The following R3HDM1 variants were observed in gnomAD, a reference collection of about 807,000 sequenced individuals.
R3HDM1 encodes the protein R3H domain-containing protein 1.
Under a neutral mutation model 141.1 loss-of-function variants are expected in R3HDM1, and 46 were observed. That is an observed-to-expected ratio of 0.33 (90% CI 0.26 to 0.42). The LOEUF (loss-of-function observed/expected upper bound fraction) is 0.42, where lower values mean the gene tolerates loss of function less well. R3HDM1 is among the 10% of genes least tolerant of loss of function. The pLI, the probability that R3HDM1 is intolerant of heterozygous loss-of-function variation, is 1.00. For missense variants in R3HDM1, 1,184 were observed against 1,368.3 expected, an observed-to-expected ratio of 0.87 and a Z score of 2.12; for synonymous variants, 435 against 472.9, an observed-to-expected ratio of 0.92 and a Z score of 1.04.
chr2:135,604,828 C>T lies in R3HDM1; in HGVS notation c.-18C>T, dbSNP rs377656435. The T allele has an allele frequency of 1.2e-5, 19 of 1,608,736 alleles. No individual in the cohort carries two copies. The highest frequency in any genetic ancestry group is 1.1e-4 in the East Asian group (5 of 44,690). ...AAGGCTTCAAGCTCCCTGTAGAATTCGAAAATAACCTTTTCTAATGAGGAT... is the reference window on the plus strand; with the variant it reads ...AAGGCTTCAAGCTCCCTGTAGAATTTGAAAATAACCTTTTCTAATGAGGAT... On this transcript the variant is annotated 5_prime_UTR_variant, in exon 3 of 27. Coordinates refer to ENST00000683871, the MANE Select transcript of R3HDM1 (RefSeq NM_001378107.1).
chr2:135,573,908 AAC>A (rs1704741701), intron 1 of R3HDM1, among the ~76,000 whole-genome samples: 1 of 152,186 alleles, frequency 6.6e-6, no homozygotes, highest in Non-Finnish European at 1.5e-5. Flanking sequence ...TATAGCAGTA[AAC>A]ACATTTATCT....
chr2:135,714,712 T>C (rs2075985512), intron 23 of R3HDM1, among the ~76,000 whole-genome samples: 1 of 152,070 alleles, frequency 6.6e-6, no homozygotes, highest in Non-Finnish European at 1.5e-5. Flanking sequence ...TGAAATTCAC[T>C]TTCAAACAGT....
chr2:135,715,820 A>G, intron 24 of R3HDM1, 126 bp downstream of exon 24: 3 of 1,168,536 alleles, frequency 2.6e-6, no homozygotes, highest in South Asian at 1.6e-5. Flanking sequence ...ACCTACACTC[A>G]GGCATGTCTA....
At chr2:135,620,189 G>A (rs2061408367) in intron 5 of R3HDM1, 2 of 532,258 alleles carry the variant, frequency 3.8e-6, no homozygotes, top group African/African-American at 2.1e-5. Flanking sequence ...AGAGGAGGTA[G>A]TGTGAAATCT....
chr2:135,692,929 A>G (rs2072669729), intron 21 of R3HDM1, among the ~76,000 whole-genome samples: 1 of 152,170 alleles, frequency 6.6e-6, no homozygotes, highest in South Asian at 2.1e-4. Context: ...TAGCAGCAAT[A>G]CATGTTGGGA....
At chr2:135,708,958 CAAAAA>C (rs374959932) in intron 21 of R3HDM1, among the ~76,000 whole-genome samples, 1 of 102,970 alleles carries the variant, frequency 9.7e-6, no homozygotes, top group Non-Finnish European at 1.8e-5. Flanking sequence ...AACTCTGTCT[CAAAAA>C]AAAAAAAAAA....
chr2:135,671,168 G>A (rs2068275837), intron 19 of R3HDM1, among the ~76,000 whole-genome samples: 1 of 150,302 alleles, frequency 6.7e-6, no homozygotes, highest in Non-Finnish European at 1.5e-5. Context: ...CTTTCTTTGA[G>A]TTCTTCCTAA....
chr2:135,624,373 G>A lies in R3HDM1; in HGVS notation c.497+1641G>A, dbSNP rs560054165. Among the ~76,000 whole-genome samples the A allele has an allele frequency of 2.4e-3, 349 of 144,072 alleles. 3 individuals carry two copies. The highest frequency in any genetic ancestry group is 8.3e-3 in the African/African-American group (322 of 38,726). 94.5% of individuals were successfully genotyped at this position (144,072 alleles called of 152,430 possible). On this transcript the variant is annotated intron_variant, in intron 7 of 26. Coordinates refer to ENST00000683871, the MANE Select transcript of R3HDM1 (RefSeq NM_001378107.1). ...TGCGCCACTGCACTCCAGCCTGGGC[G>A]ACAGGGCGAGACTCCGTCTCAAAAA...
At chr2:135,695,099 C>T (rs966399355) in intron 21 of R3HDM1, among the ~76,000 whole-genome samples, 1 of 152,138 alleles carries the variant, frequency 6.6e-6, no homozygotes, top group African/African-American at 2.4e-5. Context: ...TGTCGTCCTG[C>T]CTGAAAAATC....
chr2:135,660,408 G>A (rs966402480), intron 18 of R3HDM1, among the ~76,000 whole-genome samples: 29 of 152,276 alleles, frequency 1.9e-4, no homozygotes, highest in African/African-American at 5.8e-4. Context: ...CATGCATGAT[G>A]TAAAGTTTTG....
At chr2:135,570,467 A>T (rs72844180) in intron 1 of R3HDM1, among the ~76,000 whole-genome samples, 4 of 152,240 alleles carry the variant, frequency 2.6e-5, no homozygotes, top group African/African-American at 9.6e-5. Context: ...CAGCCTCTCA[A>T]GAATCTATTT....
chr2:135,591,039 G>A (rs1464000058), intron 1 of R3HDM1, among the ~76,000 whole-genome samples: 3 of 152,164 alleles, frequency 2.0e-5, no homozygotes. Flanking sequence ...TCTACCAATT[G>A]TAACCTAAAT....
intron 7 of R3HDM1, among the ~76,000 whole-genome samples, chr2:135,627,588 T>C (rs1390231237): frequency 6.6e-6 from 1 of 152,112 alleles, no homozygotes; most frequent in East Asian, 1.9e-4. Flanking sequence ...AGCCATATTG[T>C]ATAAATTTTA....
At chr2:135,599,108 AC>A (rs940990674) in intron 1 of R3HDM1, among the ~76,000 whole-genome samples, 28 of 152,238 alleles carry the variant, frequency 1.8e-4, no homozygotes, top group Admixed American at 1.2e-3. Context: ...TAAGGTTATG[AC>A]CTTTAATTTT....
At chr2:135,532,521 G>A (rs938208992) in intron 1 of R3HDM1, among the ~76,000 whole-genome samples, 1 of 151,888 alleles carries the variant, frequency 6.6e-6, no homozygotes, top group Admixed American at 6.6e-5. Context: ...TCCAAATTAG[G>A]ATTAGTGAAC....
intron 1 of R3HDM1, among the ~76,000 whole-genome samples, chr2:135,562,457 T>C (rs559813396): frequency 1.3e-5 from 2 of 152,320 alleles, no homozygotes; most frequent in South Asian, 2.1e-4. Context: ...TGGTCGCTTA[T>C]TATTTTTTTC....
intron 1 of R3HDM1, among the ~76,000 whole-genome samples, chr2:135,575,275 C>G (rs1020276081): frequency 6.6e-6 from 1 of 152,212 alleles, no homozygotes; most frequent in Non-Finnish European, 1.5e-5. Context: ...CTTGACCTCC[C>G]AGGTTCAAGC....
intron 9 of R3HDM1, 47 bp from the exon 10 acceptor site, chr2:135,635,843 G>T: frequency 6.5e-7 from 1 of 1,533,698 alleles, no homozygotes; most frequent in Non-Finnish European, 8.7e-7. Context: ...TGCTAATATT[G>T]TTCATTATCT....
intron 21 of R3HDM1, among the ~76,000 whole-genome samples, chr2:135,690,478 T>A (rs924296226): frequency 6.6e-6 from 1 of 152,224 alleles, no homozygotes; most frequent in Non-Finnish European, 1.5e-5. Context: ...TCTGTGAGGA[T>A]AGATCTTGTG....
Sources: allele counts gnomAD v4.1 joint callset (sites outside exome capture counted in the v4.1 genomes callset), GRCh38; gene constraint gnomAD v4.1.1; transcripts MANE v1.5; gene names NCBI Gene and HGNC (gene_info 2026-07-23, HGNC 2026-07-21).